Variants in MID2 observed in about 807,000 individuals in gnomAD.
The protein encoded by MID2 is midline 2.
A neutral mutation model predicts 46.1 loss-of-function variants in MID2; 13 were observed. The observed-to-expected ratio is 0.28, with a 90% CI of 0.18 to 0.45. MID2 has a LOEUF of 0.45. MID2 is among the 20% of genes least tolerant of loss of function. The probability of loss-of-function intolerance (pLI) is 1.00; values close to 1 mark genes in which losing one functional copy is unlikely to be tolerated. For missense variants in MID2, 431 were observed against 575.4 expected (o/e 0.75, Z 2.57); for synonymous variants, 199 against 212.3 (o/e 0.94, Z 0.55).
At chrX:107,923,919 TG>T (rs1019449670) in intron 7 of MID2, among the ~76,000 whole-genome samples, 4 of 111,996 alleles carry the variant, frequency 3.6e-5, no homozygotes, top group African/African-American at 1.3e-4. Context: ...TGTGTCCCTT[TG>T]GCTGAGTTTC....
At chrX:107,888,818 T>C (rs1932525130) in intron 3 of MID2, among the ~76,000 whole-genome samples, 1 of 112,091 alleles carries the variant, frequency 8.9e-6, no homozygotes, top group African/African-American at 3.2e-5. Context: ...TGGGTGCATA[T>C]ATGTTTAGGA....
At chrX:107,826,561 A>G in intron 1 of MID2, 131 bp downstream of exon 1, 1 of 834,722 alleles carries the variant, frequency 1.2e-6, no homozygotes, top group Non-Finnish European at 1.6e-6. Flanking sequence ...CGGCTCGGCG[A>G]GGCAGGGTGA....
intron 3 of MID2, among the ~76,000 whole-genome samples, chrX:107,889,835 C>T (rs1459500855): frequency 9.0e-6 from 1 of 110,846 alleles, no homozygotes; most frequent in East Asian, 2.8e-4. Context: ...TCTTTTTTCT[C>T]TAAACTTCTC....
At chrX:107,858,007 G>A (rs1308588020) in intron 3 of MID2, among the ~76,000 whole-genome samples, 2 of 111,622 alleles carry the variant, frequency 1.8e-5, no homozygotes, top group East Asian at 5.6e-4. Flanking sequence ...TTCATAAAAG[G>A]GCCATAAATA....
intron 4 of MID2, among the ~76,000 whole-genome samples, chrX:107,904,423 A>C (rs901721275): frequency 5.4e-5 from 6 of 111,862 alleles, no homozygotes; most frequent in African/African-American, 1.9e-4. Flanking sequence ...TTCCAGGATG[A>C]GGACTCTGGG....
At chrX:107,825,807 A>C, upstream of MID2, 1 of 191,999 alleles carries the variant, frequency 5.2e-6, no homozygotes, top group East Asian at 9.3e-5. Context: ...GCTGGTAGGT[A>C]CAGTAGTAAC....
Position 107,889,064 on chromosome X carries a change from C to T in MID2, c.817-14894C>T, listed in dbSNP as rs761118498. ...AATACAGCACACTGATGGGTCTTGA[C>T]TCTTTATCCAATTTGCCAGTCTGTG... On this transcript the variant is annotated intron_variant, in intron 3 of 9. Transcript: ENST00000262843. Among the ~76,000 whole-genome samples the T allele has an allele frequency of 1.8e-3, 197 of 111,292 alleles. 1 individual carries two copies. The highest frequency in any genetic ancestry group is 3.3e-3 in the Non-Finnish European group (174 of 53,056).
chrX:107,905,706 A>G (rs1932830551), intron 5 of MID2, 80 bp downstream of exon 5: 1 of 835,624 alleles, frequency 1.2e-6, no homozygotes, highest in African/African-American at 2.0e-5. Context: ...TCAGGCATGT[A>G]TCTAACAGCT....
chrX:107,926,258 A>G lies in MID2; in HGVS notation c.1762A>G (p.Ser588Gly). 8.3e-7 allele frequency: 1 copy of G among 1,210,345 alleles called. No individual in the cohort carries two copies. Among genetic ancestry groups the G allele is most frequent in the Non-Finnish European group, 1.1e-6 (1 of 894,937 alleles). ...GGCAGCAGGAAATATATTCATTGAC[A>G]GTGGCTGCCACTATTGGGAGGTGGT... ...YGAAGNIFID[S>G]GCHYWEVVMG... The change falls in exon 9 of 10, where the codon AGT (serine) becomes GGT (glycine). Residue 588 changes from serine to glycine, a missense_variant. Ser to Gly is a moderately conservative substitution (Grantham distance 56). Transcript: ENST00000262843.
chrX:107,851,385 A>G (rs1344895014), intron 2 of MID2, among the ~76,000 whole-genome samples: 1 of 111,383 alleles, frequency 9.0e-6, no homozygotes, highest in Non-Finnish European at 1.9e-5. Flanking sequence ...ATCAATCCTC[A>G]TATTTCTTGC....
At chrX:107,842,989 A>G (rs1366822210) in intron 2 of MID2, among the ~76,000 whole-genome samples, 1 of 112,077 alleles carries the variant, frequency 8.9e-6, no homozygotes, top group Non-Finnish European at 1.9e-5. Context: ...TTTGTTTTGG[A>G]TCTAAGTTTT....
At chrX:107,886,534 T>G in intron 3 of MID2, among the ~76,000 whole-genome samples, 1 of 111,722 alleles carries the variant, frequency 9.0e-6, no homozygotes, top group East Asian at 2.8e-4. Flanking sequence ...AGCCTTGTAG[T>G]ATAGTTTGAC....
chrX:107,837,857 T>G (rs765968076), intron 1 of MID2, among the ~76,000 whole-genome samples: 1 of 112,358 alleles, frequency 8.9e-6, no homozygotes, highest in African/African-American at 3.2e-5. Flanking sequence ...CTTAACATAG[T>G]ACTCAGAATA....
chrX:107,858,640 G>A (rs1931793664), intron 3 of MID2, among the ~76,000 whole-genome samples: 1 of 112,465 alleles, frequency 8.9e-6, no homozygotes, highest in South Asian at 3.7e-4. Flanking sequence ...TCTAGTTAGG[G>A]AAAACAGTAT....
Position 107,927,937 on chromosome X carries a change from A to G in MID2, c.*864A>G, listed in dbSNP as rs761330400. On this transcript the variant is annotated 3_prime_UTR_variant, in exon 10 of 10. Transcript: ENST00000262843. ...TTATTGGATTAGCAGAGATTTACAG[A>G]CAAGATTGCACAAGAGATGCTGTTG... Among the ~76,000 whole-genome samples, 1 of 111,642 alleles carries G rather than the reference A, an allele frequency of 9.0e-6. No individual in the cohort carries two copies. Among genetic ancestry groups the G allele is most frequent in the Non-Finnish European group, 1.9e-5 (1 of 53,041 alleles).
In MID2 at chrX:107,920,502, G is replaced by A. The variant is rs752664639; in HGVS notation, c.1435+2763G>A. 4.2e-4 allele frequency among the ~76,000 whole-genome samples: 47 copies of A among 111,753 alleles called. 1 individual carries two copies. Among genetic ancestry groups the A allele is most frequent in the Admixed American group, 9.5e-5 (1 of 10,556 alleles). ...AGCCGTAAACTCTGCCTAGCCAGGC[G>A]GACCATAACATACTACCAGAAAGAC... On this transcript the variant is annotated intron_variant, in intron 7 of 9. Transcript: ENST00000262843.
At chrX:107,914,963 T>A (rs1369419002) in intron 5 of MID2, among the ~76,000 whole-genome samples, 3 of 112,413 alleles carry the variant, frequency 2.7e-5, no homozygotes, top group Non-Finnish European at 5.6e-5. Context: ...GGAAATAACA[T>A]CTACTACATA....
intron 3 of MID2, among the ~76,000 whole-genome samples, chrX:107,890,691 G>T (rs1602489206): frequency 1.8e-5 from 2 of 111,946 alleles, no homozygotes; most frequent in Non-Finnish European, 3.8e-5. Flanking sequence ...GCTGCCTTTT[G>T]TTTGGCTATG....
rs191876465 is a variant in MID2 at position 107,831,938 on chromosome X, T to C, written c.4+5508T>C. 5.2e-4 allele frequency among the ~76,000 whole-genome samples: 58 copies of C among 112,341 alleles called. 1 individual carries two copies. The highest frequency in any genetic ancestry group is 1.8e-3 in the African/African-American group (55 of 30,932). On this transcript the variant is annotated intron_variant, in intron 1 of 9. Coordinates refer to ENST00000262843, the MANE Select transcript of MID2 (RefSeq NM_012216.4). ...TAGGATTCCTGTCAATTATCATGTG[T>C]TACCTTGGCAAATCCATTTGTTGGT...
Sources: allele counts gnomAD v4.1 joint callset (sites outside exome capture counted in the v4.1 genomes callset), GRCh38; gene constraint gnomAD v4.1.1; transcripts MANE v1.5; gene names NCBI Gene and HGNC (gene_info 2026-07-23, HGNC 2026-07-21).